PSD3: variants seen among roughly 807,000 people sequenced by gnomAD.
PSD3 encodes the protein pleckstrin and Sec7 domain containing 3.
A neutral mutation model predicts 105.5 loss-of-function variants in PSD3; 49 were observed. The observed-to-expected ratio is 0.46, with a 90% CI of 0.37 to 0.59. The LOEUF (loss-of-function observed/expected upper bound fraction) is 0.59, where lower values mean the gene tolerates loss of function less well. Ranked by LOEUF, PSD3 falls within the 20% of genes least tolerant of loss-of-function variation. PSD3 has a pLI of 0.00. For synonymous variants in PSD3, 557 were observed against 457.8 expected, an observed-to-expected ratio of 1.22 and a Z score of -2.77; for missense variants, 1,561 against 1,263.8, an observed-to-expected ratio of 1.24 and a Z score of -3.57.
intron 11 of PSD3, among the ~76,000 whole-genome samples, chr8:18,613,256 C>CAAA (rs2130658778): frequency 6.6e-6 from 1 of 152,226 alleles, no homozygotes; most frequent in Admixed American, 6.5e-5. Context: ...GAAGCCCACC[C>CAAA]TTTTCCCCAA....
chr8:18,706,390 C>G (rs1468070374), intron 9 of PSD3, among the ~76,000 whole-genome samples: 2 of 152,004 alleles, frequency 1.3e-5, no homozygotes, highest in Non-Finnish European at 2.9e-5. Context: ...ATGTATTACA[C>G]AAACACACAT....
In PSD3 at chr8:18,612,148, C is replaced by G. The variant is rs180726328; in HGVS notation, c.2411-11714G>C. Among the ~76,000 whole-genome samples the G allele has an allele frequency of 3.7e-4, 54 of 145,578 alleles. 2 individuals carry two copies. In the East Asian group the frequency reaches 0.01, roughly 28 times the overall value. Reference sequence around the variant, plus strand: ...CCTTACATAAAAAAAAGTTACAATCCTACTAAATTTCTTTGTTTCTGCCCA... The same window carrying G: ...CCTTACATAAAAAAAAGTTACAATCGTACTAAATTTCTTTGTTTCTGCCCA... On this transcript the variant is annotated intron_variant, in intron 11 of 15. Transcript: ENST00000327040.
chr8:18,643,894 T>G (rs1448524840), intron 10 of PSD3, among the ~76,000 whole-genome samples: 2 of 152,234 alleles, frequency 1.3e-5, no homozygotes, highest in Middle Eastern at 3.2e-3. Context: ...TGCTAAGGTT[T>G]ATGGCTTGTA....
At chr8:18,646,128 T>C (rs77570573) in intron 10 of PSD3, among the ~76,000 whole-genome samples, 2,106 of 152,258 alleles carry the variant, frequency 0.014, 54 homozygotes, top group East Asian at 0.088. Context: ...AGAGGCACAA[T>C]AGCAACTTCT....
At chr8:18,848,966 G>A (rs981134983) in intron 4 of PSD3, among the ~76,000 whole-genome samples, 1 of 152,196 alleles carries the variant, frequency 6.6e-6, no homozygotes, top group Admixed American at 6.5e-5. Context: ...ATTCAAAGCT[G>A]TAATGCAAGA....
chr8:19,084,064 C>G (rs563705872), intron 1 of PSD3: 1 of 343,212 alleles, frequency 2.9e-6, no homozygotes, highest in Non-Finnish European at 5.8e-6. Context: ...GGGAAGGCTG[C>G]GGCTCGTGGG....
chr8:18,711,752 C>A (rs1462314025), intron 9 of PSD3, among the ~76,000 whole-genome samples: 1 of 152,088 alleles, frequency 6.6e-6, no homozygotes, highest in East Asian at 1.9e-4. Flanking sequence ...ATACTCAGAA[C>A]CTGAAATCAG....
intron 1 of PSD3, among the ~76,000 whole-genome samples, chr8:19,039,794 T>C (rs7841683): frequency 0.074 from 11,245 of 152,264 alleles, 1,388 homozygotes; most frequent in African/African-American, 0.26. Flanking sequence ...TACCCTACTA[T>C]GCAACAACAC....
chr8:18,978,707 C>A (rs980936184), intron 1 of PSD3, among the ~76,000 whole-genome samples: 1 of 152,196 alleles, frequency 6.6e-6, no homozygotes, highest in African/African-American at 2.4e-5. Flanking sequence ...ACTGATGCAG[C>A]AGACACTGCT....
At chr8:19,048,465 G>T (rs753193761) in intron 1 of PSD3, among the ~76,000 whole-genome samples, 3 of 152,180 alleles carry the variant, frequency 2.0e-5, no homozygotes, top group Non-Finnish European at 4.4e-5. Context: ...ATAAAATAAT[G>T]AAAGGGGGCT....
intron 2 of PSD3, among the ~76,000 whole-genome samples, chr8:18,912,911 C>A (rs13439642): frequency 2.0e-5 from 3 of 152,106 alleles, no homozygotes; most frequent in Admixed American, 6.5e-5. Flanking sequence ...GTCACAATGA[C>A]AAAAGCCCCA....
chr8:18,788,261 A>G (rs1393005145), intron 8 of PSD3, among the ~76,000 whole-genome samples: 2 of 152,234 alleles, frequency 1.3e-5, no homozygotes, highest in Non-Finnish European at 2.9e-5. Context: ...TCCCCTGACC[A>G]TAACAGAGAA....
In PSD3 at chr8:18,569,528, C is replaced by T. The variant is rs1410645837; in HGVS notation, c.2784+3000G>A. On this transcript the variant is annotated intron_variant, in intron 14 of 15. Transcript: ENST00000327040. ...AATTGCTTCAAAGAGAATAAAATAC[C>T]TAGGAATCCAACTTACAAGGGATGT... 5.2e-5 allele frequency among the ~76,000 whole-genome samples: 7 copies of T among 135,764 alleles called. No homozygotes were observed. In the South Asian group the frequency reaches 1.5e-3, roughly 30 times the overall value. The allele number at this position is 135,764 out of a possible 152,430, so 89.1% of individuals were successfully genotyped here.
chr8:19,069,068 T>C (rs1829169753), intron 1 of PSD3, among the ~76,000 whole-genome samples: 1 of 152,112 alleles, frequency 6.6e-6, no homozygotes, highest in Non-Finnish European at 1.5e-5. Context: ...CAAGCTCACA[T>C]AGGGCAAGTT....
intron 9 of PSD3, among the ~76,000 whole-genome samples, chr8:18,754,593 G>T (rs1269519820): frequency 3.3e-5 from 5 of 151,830 alleles, no homozygotes; most frequent in Non-Finnish European, 7.4e-5. Flanking sequence ...GGGAGGATCA[G>T]GTCAAAAATT....
intron 8 of PSD3, among the ~76,000 whole-genome samples, chr8:18,767,752 CAG>C (rs896624636): frequency 6.6e-6 from 1 of 151,550 alleles, no homozygotes; most frequent in African/African-American, 2.4e-5. Flanking sequence ...CGTCTCAAAA[CAG>C]ATAAATAAAT....
At chr8:18,639,736 G>T (rs577390363) in intron 10 of PSD3, among the ~76,000 whole-genome samples, 2 of 152,084 alleles carry the variant, frequency 1.3e-5, no homozygotes, top group South Asian at 4.1e-4. Context: ...CAATAAATCT[G>T]GGTTTTTAAA....
At chr8:18,705,473 G>GCCT (rs1801836152) in intron 9 of PSD3, among the ~76,000 whole-genome samples, 2 of 138,156 alleles carry the variant, frequency 1.4e-5, no homozygotes, top group African/African-American at 5.4e-5. Flanking sequence ...AGAGGTTACA[G>GCCT]TGAGCTGAGA....
At chr8:18,881,450 T>G (rs889327030) in intron 2 of PSD3, among the ~76,000 whole-genome samples, 1 of 152,232 alleles carries the variant, frequency 6.6e-6, no homozygotes, top group Non-Finnish European at 1.5e-5. Flanking sequence ...CAAACTGGTT[T>G]TCTTCCACTC....
Sources: allele counts gnomAD v4.1 joint callset (sites outside exome capture counted in the v4.1 genomes callset), GRCh38; gene constraint gnomAD v4.1.1; transcripts MANE v1.5; gene names NCBI Gene and HGNC (gene_info 2026-07-23, HGNC 2026-07-21).